Variants in MOBP observed in about 807,000 individuals in gnomAD.
The protein encoded by MOBP is myelin-associated oligodendrocyte basic protein.
In MOBP, 5 loss-of-function variants were observed where a neutral mutation model predicts 15.0. The observed-to-expected ratio is 0.33, with a 90% confidence interval of 0.17 to 0.70. MOBP has a LOEUF of 0.70. Ranked by LOEUF, MOBP falls within the 30% of genes least tolerant of loss-of-function variation. The pLI is 0.67. For missense variants in MOBP, 188 were observed against 257.8 expected (o/e 0.73, Z 1.85); for synonymous variants, 88 against 99.0 (o/e 0.89, Z 0.66).
At chr3:39,501,225 C>A (rs1439574168) in intron 2 of MOBP, among the ~76,000 whole-genome samples, 1 of 152,222 alleles carries the variant, frequency 6.6e-6, no homozygotes, top group East Asian at 1.9e-4. Context: ...TTACATACTG[C>A]ACATATGCAT....
In MOBP at chr3:39,469,410, AATTAAAATTTATTTTAATT is replaced by A. The variant is rs1321313950; in HGVS notation, c.-89+1671_-89+1689del. ...ATTAAAATTTATTTTAATTGGAATT[AATTAAAATTTATTTTAATT>A]GGAATTAATTAAAATTAGAAAATTA... is the stretch of plus-strand genomic sequence containing the variant. On this transcript the variant is annotated intron_variant, in intron 1 of 3. Transcript: ENST00000684792. Among the ~76,000 whole-genome samples the A allele has an allele frequency of 1.3e-3, 190 of 151,470 alleles. 2 individuals carry two copies. The highest frequency in any genetic ancestry group is 4.3e-3 in the African/African-American group (179 of 41,234).
downstream of MOBP, chr3:39,525,458 A>C (rs1450454670): frequency 6.6e-6 from 1 of 152,198 alleles, no homozygotes; most frequent in Non-Finnish European, 1.5e-5. Context: ...AGGGATGTAA[A>C]ATGGACAGTA....
In MOBP at chr3:39,502,964, C is replaced by A; in HGVS notation, c.*84C>A. ...CTAACACCGGGCTGTCTCCATGGCC[C>A]TCTTCAGCCTTATTACCCAACCTGT... is the stretch of plus-strand genomic sequence containing the variant. On this transcript the variant is annotated 3_prime_UTR_variant, in exon 4 of 4. Coordinates refer to ENST00000684792, the MANE Select transcript of MOBP (RefSeq NM_001393704.1). The surrounding 1 kb of genome is among the most constrained non-coding windows in gnomAD (Gnocchi z 6.3). The A allele has an allele frequency of 1.5e-6, 1 of 658,638 alleles. No individual in the cohort carries two copies. The highest frequency in any genetic ancestry group is 2.6e-6 in the Non-Finnish European group (1 of 391,022). 40.8% of individuals were successfully genotyped at this position (658,638 alleles called of 1,614,324 possible).
At chr3:39,494,282 T>C (rs758636491) in intron 2 of MOBP, among the ~76,000 whole-genome samples, 3 of 152,206 alleles carry the variant, frequency 2.0e-5, no homozygotes, top group Non-Finnish European at 4.4e-5. Flanking sequence ...ATTACAAATA[T>C]TAGATATAAA....
rs183542545 is a variant in MOBP at position 39,522,238 on chromosome 3, A to G, written c.*259-2005A>G. On this transcript the variant is annotated intron_variant and NMD_transcript_variant, in intron 3 of 4. Coordinates refer to the MOBP transcript ENST00000424090. ...AGACAAATTAAAAACAAACACATTA[A>G]GCAATTAGCATAAAGCTTGCATGTA... Among the ~76,000 whole-genome samples the G allele has an allele frequency of 3.3e-5, 5 of 152,344 alleles. No individual in the cohort carries two copies. The East Asian group carries it at 5.8e-4, about 18-fold the overall frequency.
At position 39,494,796 on chromosome 3, in the gene MOBP, C is replaced by CA. The variant is rs564079882; in HGVS notation, c.-4-7270_-4-7269insA. Reference sequence around the variant, plus strand: ...ATATTTTCAAAGCCCCCCCCCGCCCCCCGAGTTACGTGTTGTTATTATTAC... The same window carrying CA: ...ATATTTTCAAAGCCCCCCCCCGCCCCACCGAGTTACGTGTTGTTATTATTAC... On this transcript the variant is annotated intron_variant, in intron 2 of 3. Transcript: ENST00000684792. 8.5e-3 allele frequency among the ~76,000 whole-genome samples: 996 copies of CA among 117,320 alleles called. 31 individuals are homozygous for CA. The highest frequency in any genetic ancestry group is 0.017 in the Admixed American group (167 of 9,808). The allele number at this position is 117,320 out of a possible 152,430, so 77.0% of individuals were successfully genotyped here.
intron 1 of MOBP, among the ~76,000 whole-genome samples, chr3:39,476,848 T>C (rs1284702217): frequency 1.3e-5 from 2 of 152,176 alleles, no homozygotes; most frequent in Non-Finnish European, 2.9e-5. Context: ...TATTTTAACA[T>C]ATCAATAATG....
chr3:39,523,628 TCTTAA>T (rs993863501), intron 3 of MOBP, among the ~76,000 whole-genome samples: 6 of 152,370 alleles, frequency 3.9e-5, no homozygotes, highest in South Asian at 2.1e-4. Flanking sequence ...TGATATTTCT[TCTTAA>T]CTTATGGCCT....
At chr3:39,506,113 C>T (rs559666041), downstream of MOBP, among the ~76,000 whole-genome samples, 3 of 152,220 alleles carry the variant, frequency 2.0e-5, no homozygotes, top group Admixed American at 6.5e-5. Context: ...TGCTGTACAA[C>T]TTAGCAACCC....
chr3:39,509,132 G>C (rs2043087311), intron 4 of MOBP, among the ~76,000 whole-genome samples: 1 of 151,850 alleles, frequency 6.6e-6, no homozygotes, highest in Admixed American at 6.6e-5. Flanking sequence ...GGATTCACAT[G>C]CCACAGTTTG....
intron 4 of MOBP, among the ~76,000 whole-genome samples, chr3:39,511,224 GA>G (rs2043115432): frequency 6.6e-6 from 1 of 152,182 alleles, no homozygotes; most frequent in Admixed American, 6.5e-5. Context: ...CACATTTGGG[GA>G]CAATCTCAGT....
chr3:39,528,941 C>A (rs750860725), downstream of MOBP: 4 of 152,222 alleles, frequency 2.6e-5, no homozygotes, highest in Non-Finnish European at 5.9e-5. Context: ...GGCCATTTAT[C>A]CAACAGTGCT....
intron 2 of MOBP, among the ~76,000 whole-genome samples, chr3:39,496,199 C>CTTTTTTTTTTTTTTT (rs539988699): frequency 1.4e-5 from 2 of 144,378 alleles, no homozygotes; most frequent in African/African-American, 2.5e-5. Context: ...TCTTTTTTTT[C>CTTTTTTTTTTTTTTT]TTTTTTTTTT....
In MOBP at chr3:39,502,432, G is replaced by T; in HGVS notation, c.207-103G>T. ...ACTCCAGGGAGACTGGAAGGTGGGTGGGGGAGCAGGGCCTTCCTACCTGTT... is the reference window on the plus strand; with the variant it reads ...ACTCCAGGGAGACTGGAAGGTGGGTTGGGGAGCAGGGCCTTCCTACCTGTT... On this transcript the variant is annotated intron_variant, in intron 3 of 3. Transcript: ENST00000684792. The surrounding 1 kb of genome is among the most constrained non-coding windows in gnomAD (Gnocchi z 6.3). 2.0e-6 allele frequency: 3 copies of T among 1,521,860 alleles called. No homozygotes were observed. The highest frequency in any genetic ancestry group is 2.6e-6 in the Non-Finnish European group (3 of 1,139,530). The allele number at this position is 1,521,860 out of a possible 1,614,324, so 94.3% of individuals were successfully genotyped here.
At chr3:39,493,506 AG>A (rs2042831299) in intron 2 of MOBP, among the ~76,000 whole-genome samples, 1 of 152,002 alleles carries the variant, frequency 6.6e-6, no homozygotes, top group Admixed American at 6.6e-5. Flanking sequence ...ACTGCTAGAG[AG>A]CATCTGGGGA....
intron 1 of MOBP, among the ~76,000 whole-genome samples, chr3:39,470,208 A>C (rs1005326213): frequency 2.3e-4 from 35 of 152,214 alleles, no homozygotes; most frequent in African/African-American, 8.2e-4. Context: ...CCTGATCAAA[A>C]GTGTTTCCTA....
intron 3 of MOBP, among the ~76,000 whole-genome samples, chr3:39,523,944 G>A (rs149804681): frequency 3.4e-4 from 52 of 152,284 alleles, no homozygotes; most frequent in Non-Finnish European, 7.4e-4. Flanking sequence ...CAAACCGAGG[G>A]AAATGAAAGT....
At chr3:39,497,642 T>G (rs1708032) in intron 2 of MOBP, among the ~76,000 whole-genome samples, 2 of 152,014 alleles carry the variant, frequency 1.3e-5, no homozygotes, top group Non-Finnish European at 2.9e-5. Flanking sequence ...TTGTTAATAA[T>G]GCCACATTAA....
At chr3:39,510,282 T>TA in intron 4 of MOBP, among the ~76,000 whole-genome samples, 1 of 152,088 alleles carries the variant, frequency 6.6e-6, no homozygotes, top group Non-Finnish European at 1.5e-5. Context: ...GTTCTTCATT[T>TA]AAAAAAATTG....
Sources: allele counts gnomAD v4.1 joint callset (sites outside exome capture counted in the v4.1 genomes callset), GRCh38; gene constraint gnomAD v4.1.1; non-coding constraint Gnocchi (gnomAD v3.1); transcripts MANE v1.5; gene names NCBI Gene and HGNC (gene_info 2026-07-23, HGNC 2026-07-21).